Variants in FBXL14 observed in about 807,000 individuals in gnomAD.
FBXL14 encodes F-box and leucine rich repeat protein 14.
Under a neutral mutation model 24.5 loss-of-function variants are expected in FBXL14, and 11 were observed. The observed-to-expected ratio is 0.45, with a 90% CI of 0.28 to 0.74. The LOEUF (loss-of-function observed/expected upper bound fraction) is 0.74, where lower values mean the gene tolerates loss of function less well. Ranked by LOEUF, FBXL14 falls within the 30% of genes least tolerant of loss-of-function variation. The pLI, the probability that FBXL14 is intolerant of heterozygous loss-of-function variation, is 0.12. For synonymous variants in FBXL14, 294 were observed against 240.4 expected (o/e 1.22, Z -2.06); for missense variants, 384 against 545.6 (o/e 0.70, Z 2.95).
At chr12:1,578,611 C>G (rs2094460346) in intron 1 of FBXL14, among the ~76,000 whole-genome samples, 1 of 151,986 alleles carries the variant, frequency 6.6e-6, no homozygotes, top group South Asian at 2.1e-4. Flanking sequence ...TGCACTCCAG[C>G]CTGGGTGACA....
At chr12:1,589,658 CA>C (rs1428639103) in intron 1 of FBXL14, among the ~76,000 whole-genome samples, 3 of 152,128 alleles carry the variant, frequency 2.0e-5, no homozygotes, top group Non-Finnish European at 4.4e-5. Flanking sequence ...TTGTAAAACA[CA>C]CATAGGTTCT....
chr12:1,592,836 G>A (rs375498068), intron 1 of FBXL14, 37 bp downstream of exon 1: 1,093 of 1,517,956 alleles, frequency 7.2e-4, no homozygotes, highest in Non-Finnish European at 9.4e-4. Context: ...TGAACAGGGC[G>A]GGACAAGGGG....
intron 1 of FBXL14, among the ~76,000 whole-genome samples, chr12:1,568,510 TTTCTTA>T (rs1354758149): frequency 3.9e-5 from 6 of 152,302 alleles, no homozygotes; most frequent in South Asian, 2.1e-4. Context: ...ATAACTTATT[TTTCTTA>T]TTCTTAATCT....
chr12:1,582,864 C>G (rs913694049), intron 1 of FBXL14, among the ~76,000 whole-genome samples: 2 of 152,176 alleles, frequency 1.3e-5, no homozygotes, highest in Non-Finnish European at 2.9e-5. Context: ...ACCAGGAGGG[C>G]AAGACCCGAA....
chr12:1,578,145 A>G (rs998602766), intron 1 of FBXL14, among the ~76,000 whole-genome samples: 1 of 152,314 alleles, frequency 6.6e-6, no homozygotes, highest in Admixed American at 6.5e-5. Flanking sequence ...CACACATTTT[A>G]TACTGAATTC....
At chr12:1,577,955 AC>A (rs1339186660) in intron 1 of FBXL14, among the ~76,000 whole-genome samples, 6 of 152,264 alleles carry the variant, frequency 3.9e-5, no homozygotes, top group African/African-American at 9.6e-5. Flanking sequence ...CCCTGTAGTT[AC>A]CCCACCTAGC....
chr12:1,581,935 G>A (rs575055899), intron 1 of FBXL14, among the ~76,000 whole-genome samples: 2 of 152,220 alleles, frequency 1.3e-5, no homozygotes, highest in South Asian at 4.1e-4. Context: ...GACCTGCCTG[G>A]CCAACATGGC....
chr12:1,571,201 T>C (rs1354687282), intron 1 of FBXL14, among the ~76,000 whole-genome samples: 1 of 136,892 alleles, frequency 7.3e-6, no homozygotes, highest in African/African-American at 2.5e-5. Flanking sequence ...TGGGGTTTTT[T>C]TTGTTTGTTT....
rs1412800963 is a variant in FBXL14, at chr12:1,593,767, G to A, written c.300C>T (p.Cys100=). The change falls in exon 1 of 2, where the codon TGC becomes TGT. Residue 100 remains cysteine (C), a synonymous_variant. Transcript: ENST00000339235. This position sits in a 1 kb window ranked among gnomAD's most constrained non-coding sequence, Gnocchi z 7.4. The part of the protein sequence containing the change: ...ANIESLNLSG[C]YNLTDNGLGH... ...CCAGCCCGTTGTCGGTGAGGTTGTA[G>A]CAGCCGCTGAGGTTGAGGCTCTCGA... is the stretch of plus-strand genomic sequence containing the variant. 3 of 1,613,996 alleles carry A rather than the reference G, an allele frequency of 1.9e-6. No individual in the cohort carries two copies. Among genetic ancestry groups the A allele is most frequent in the East Asian group, 2.2e-5 (1 of 44,886 alleles).
chr12:1,586,234 CT>C (rs1397395359), intron 1 of FBXL14, among the ~76,000 whole-genome samples: 2 of 147,640 alleles, frequency 1.4e-5, no homozygotes, highest in Non-Finnish European at 3.0e-5. Flanking sequence ...GGTGTGGCAC[CT>C]TTTAAGAAAC....
chr12:1,584,468 A>T (rs1025085609), intron 1 of FBXL14, among the ~76,000 whole-genome samples: 2 of 152,210 alleles, frequency 1.3e-5, no homozygotes, highest in Non-Finnish European at 2.9e-5. Context: ...TGTGTAGGGA[A>T]GAGAGAGGCC....
intron 1 of FBXL14, among the ~76,000 whole-genome samples, chr12:1,587,111 C>T (rs1349209184): frequency 1.3e-5 from 2 of 152,004 alleles, no homozygotes; most frequent in Non-Finnish European, 2.9e-5. Context: ...GTGGCACACG[C>T]CTGTAATCCC....
Position 1,592,878 on chromosome 12 carries a change from C to A in FBXL14, c.1189G>T (p.Glu397Ter). The part of the protein sequence containing the change: ...NLGLWQMTDS[E>*]KEARGDFSPL... ...TGCTGCCGCCCTCACCTGACCTTCT[C>A]ACTGTCCGTCATCTGCCAGAGTCCC... The change falls in exon 1 of 2, where the codon GAG (glutamate) becomes TAG (stop). Residue 397 changes from glutamate (E) to a stop codon, truncating the protein, a stop_gained. Coordinates refer to ENST00000339235, the MANE Select transcript of FBXL14 (RefSeq NM_152441.3). LOFTEE classifies it high-confidence loss of function. The A allele has an allele frequency of 6.4e-7, 1 of 1,565,742 alleles. No homozygotes were observed. Among genetic ancestry groups the A allele is most frequent in the Non-Finnish European group, 8.7e-7 (1 of 1,151,110 alleles).
At chr12:1,594,741 C>T (rs2094498281), upstream of FBXL14, among the ~76,000 whole-genome samples, 1 of 150,004 alleles carries the variant, frequency 6.7e-6, no homozygotes, top group Non-Finnish European at 1.5e-5. Flanking sequence ...CCGGCCGGAG[C>T]GCGGCTCGGC....
chr12:1,593,706 C>A lies in FBXL14; in HGVS notation c.361G>T (p.Ala121Ser), dbSNP rs750200610. 11 of 1,614,024 alleles carry A rather than the reference C, an allele frequency of 6.8e-6. No individual in the cohort carries two copies. Among genetic ancestry groups the A allele is most frequent in the Non-Finnish European group, 8.5e-6 (10 of 1,180,032 alleles). Residue 121 changes from alanine to serine, a missense_variant, in exon 1 of 2, where the codon GCT becomes TCT. Transcript: ENST00000339235. The surrounding 1 kb of genome is among the most constrained non-coding windows in gnomAD (Gnocchi z 7.4). ...TGCTTGCAGAGGCTCAGGTTGAGAG[C>A]GCGCAGGGAGCCGATCTCCTGCACA... Reference protein sequence around the residue: ...AFVQEIGSLRALNLSLCKQIT... With the variant: ...AFVQEIGSLRSLNLSLCKQIT...
intron 1 of FBXL14, among the ~76,000 whole-genome samples, chr12:1,590,497 C>A (rs2094486989): frequency 6.6e-6 from 1 of 152,098 alleles, no homozygotes; most frequent in African/African-American, 2.4e-5. Flanking sequence ...GAACCACTCC[C>A]CTGTTGGAGC....
intron 1 of FBXL14, among the ~76,000 whole-genome samples, chr12:1,589,915 C>T (rs1280098045): frequency 1.3e-5 from 2 of 152,174 alleles, no homozygotes; most frequent in South Asian, 2.1e-4. Context: ...ACGTGCTTCA[C>T]GTTACAGGTG....
chr12:1,590,695 CA>C (rs1565590643), intron 1 of FBXL14, among the ~76,000 whole-genome samples: 1 of 152,188 alleles, frequency 6.6e-6, no homozygotes. Flanking sequence ...TGCAAATGTG[CA>C]AAATCCTGGC....
intron 1 of FBXL14, among the ~76,000 whole-genome samples, chr12:1,570,336 C>G (rs1324282617): frequency 6.6e-6 from 1 of 152,194 alleles, no homozygotes; most frequent in African/African-American, 2.4e-5. Context: ...AACATGTGTC[C>G]TTATACAACG....
Sources: allele counts gnomAD v4.1 joint callset (sites outside exome capture counted in the v4.1 genomes callset), GRCh38; gene constraint gnomAD v4.1.1; non-coding constraint Gnocchi (gnomAD v3.1); transcripts MANE v1.5; gene names NCBI Gene and HGNC (gene_info 2026-07-23, HGNC 2026-07-21).